Variants in HS6ST1 observed in about 807,000 individuals in gnomAD.
HS6ST1 encodes heparan sulfate 6-O-sulfotransferase 1, also known as heparan-sulfate 6-O-sulfotransferase 1.
In HS6ST1, 3 loss-of-function variants were observed where a neutral mutation model predicts 25.2. The ratio of observed to expected loss-of-function variants is 0.12; its 90% confidence interval spans 0.05 to 0.31. HS6ST1 has a LOEUF of 0.31. HS6ST1 is among the 10% of genes least tolerant of loss of function. The pLI, the probability that HS6ST1 is intolerant of heterozygous loss-of-function variation, is 1.00. For synonymous variants in HS6ST1, 204 were observed against 275.1 expected, an observed-to-expected ratio of 0.74 and a Z score of 2.56; for missense variants, 310 against 609.6, an observed-to-expected ratio of 0.51 and a Z score of 5.18.
chr2:128,314,430 C>G (rs1329560477), intron 1 of HS6ST1, among the ~76,000 whole-genome samples: 2 of 152,166 alleles, frequency 1.3e-5, no homozygotes, highest in Non-Finnish European at 2.9e-5. Context: ...GATGGGACAG[C>G]AGTCGAGGCG....
chr2:128,282,283 G>A (rs1055708974), intron 1 of HS6ST1, among the ~76,000 whole-genome samples: 1 of 152,228 alleles, frequency 6.6e-6, no homozygotes, highest in Non-Finnish European at 1.5e-5. Context: ...GTACTGGGCT[G>A]AACCACTGTA....
intron 1 of HS6ST1, among the ~76,000 whole-genome samples, chr2:128,280,562 G>A (rs926352713): frequency 6.6e-6 from 1 of 152,202 alleles, no homozygotes; most frequent in African/African-American, 2.4e-5. Context: ...CCTCCCCTCT[G>A]CCTGCAGAAA....
chr2:128,318,770 C>G lies in HS6ST1; in HGVS notation c.-207G>C, dbSNP rs1694418393. Among the ~76,000 whole-genome samples, 1 of 147,034 alleles carries G rather than the reference C, an allele frequency of 6.8e-6. No individual in the cohort carries two copies. Among genetic ancestry groups the G allele is most frequent in the Non-Finnish European group, 1.5e-5 (1 of 66,054 alleles). ...GGCTCCCCGGGCCCGACGCCCGACT[C>G]CGCTCCCGCTCGGCCCCGCTCCCGG... On this transcript the variant is annotated 5_prime_UTR_variant, in exon 1 of 2. Coordinates refer to ENST00000259241, the MANE Select transcript of HS6ST1 (RefSeq NM_004807.3). The surrounding 1 kb of genome is among the most constrained non-coding windows in gnomAD (Gnocchi z 5.7).
rs1694419039 is a variant in HS6ST1, at chr2:128,318,796, C to T, written c.-233G>A. ...CGCTCCCGCTCGGCCCCGCTCCCGG[C>T]CCCGGCCAGCACAGCGCTCTCCGCG... is the stretch of plus-strand genomic sequence containing the variant. On this transcript the variant is annotated 5_prime_UTR_variant, in exon 1 of 2. Transcript: ENST00000259241. This position sits in a 1 kb window ranked among gnomAD's most constrained non-coding sequence, Gnocchi z 5.7. Among the ~76,000 whole-genome samples, 1 of 147,246 alleles carries T rather than the reference C, an allele frequency of 6.8e-6. No homozygotes were observed. Among genetic ancestry groups the T allele is most frequent in the African/African-American group, 2.4e-5 (1 of 40,938 alleles).
chr2:128,280,166 G>A (rs943925431), intron 1 of HS6ST1, among the ~76,000 whole-genome samples: 4 of 152,224 alleles, frequency 2.6e-5, no homozygotes, highest in Non-Finnish European at 5.9e-5. Context: ...GCACCAAGCA[G>A]TCCGGCTTCT....
intron 1 of HS6ST1, among the ~76,000 whole-genome samples, chr2:128,279,974 T>C (rs1321464831): frequency 6.6e-6 from 1 of 152,136 alleles, no homozygotes; most frequent in Non-Finnish European, 1.5e-5. Flanking sequence ...GGTACCAGGA[T>C]GGCTCTCTCC....
chr2:128,299,232 C>T lies in HS6ST1; in HGVS notation c.527+18805G>A, dbSNP rs561271224. The stretch of plus-strand genomic sequence containing the variant: ...CTTGCTCTGCACCACAACTCCCCGA[C>T]GCACCCCAACAGCATGGGAGGTGGT... On this transcript the variant is annotated intron_variant, in intron 1 of 1. Transcript: ENST00000259241. Among the ~76,000 whole-genome samples, 77 of 152,366 alleles carry T rather than the reference C, an allele frequency of 5.1e-4. 1 individual carries two copies. Among genetic ancestry groups the T allele is most frequent in the Non-Finnish European group, 8.7e-4 (59 of 68,034 alleles).
At chr2:128,273,986 C>G (rs1273071934) in intron 1 of HS6ST1, among the ~76,000 whole-genome samples, 1 of 152,124 alleles carries the variant, frequency 6.6e-6, no homozygotes, top group Non-Finnish European at 1.5e-5. Context: ...CCCTCAGGAG[C>G]CCAGGCTCAT....
At chr2:128,279,026 C>T (rs1340922362) in intron 1 of HS6ST1, among the ~76,000 whole-genome samples, 1 of 152,150 alleles carries the variant, frequency 6.6e-6, no homozygotes, top group Non-Finnish European at 1.5e-5. Context: ...TAATGAAGAT[C>T]ACAAAAGCCT....
intron 1 of HS6ST1, among the ~76,000 whole-genome samples, chr2:128,313,300 C>A (rs781008479): frequency 1.3e-5 from 2 of 152,180 alleles, no homozygotes; most frequent in African/African-American, 2.4e-5. Flanking sequence ...CTGCAGCAGT[C>A]CCCACAGAGT....
intron 1 of HS6ST1, among the ~76,000 whole-genome samples, chr2:128,310,445 G>A (rs560244529): frequency 2.1e-4 from 32 of 152,356 alleles, no homozygotes; most frequent in African/African-American, 7.5e-4. Flanking sequence ...CACCGCGGCA[G>A]CAGAAGGCCA....
chr2:128,312,192 A>T (rs564044000), intron 1 of HS6ST1, among the ~76,000 whole-genome samples: 2 of 152,350 alleles, frequency 1.3e-5, no homozygotes, highest in South Asian at 4.1e-4. Flanking sequence ...TTCCATGCGC[A>T]TGCAGGGGTT....
chr2:128,315,571 C>T (rs1694349258), intron 1 of HS6ST1, among the ~76,000 whole-genome samples: 1 of 152,206 alleles, frequency 6.6e-6, no homozygotes, highest in East Asian at 1.9e-4. Flanking sequence ...CAGGGTGACA[C>T]CTGAGTCTCC....
At chr2:128,292,273 C>A (rs1235464871) in intron 1 of HS6ST1, among the ~76,000 whole-genome samples, 2 of 152,222 alleles carry the variant, frequency 1.3e-5, no homozygotes, top group Non-Finnish European at 2.9e-5. Context: ...CCATGTGTAT[C>A]CTTCCATAGG....
chr2:128,317,697 C>A (rs1325148102), intron 1 of HS6ST1, among the ~76,000 whole-genome samples: 1 of 152,246 alleles, frequency 6.6e-6, no homozygotes, highest in African/African-American at 2.4e-5. Context: ...CCAAGTCCGG[C>A]GGGCCAGACC....
chr2:128,317,878 TCGGGCGCTC>T (rs1694397969), intron 1 of HS6ST1, among the ~76,000 whole-genome samples, 150 bp downstream of exon 1: 1 of 152,036 alleles, frequency 6.6e-6, no homozygotes. Flanking sequence ...GCTGGGAGCC[TCGGGCGCTC>T]GGCAGGTCGG....
intron 1 of HS6ST1, among the ~76,000 whole-genome samples, chr2:128,283,444 A>T (rs1693814996): frequency 6.6e-6 from 1 of 152,158 alleles, no homozygotes; most frequent in Non-Finnish European, 1.5e-5. Context: ...CAGAGGACAT[A>T]GTGGTTTAGG....
intron 1 of HS6ST1, among the ~76,000 whole-genome samples, chr2:128,276,222 G>C (rs539209723): frequency 6.6e-6 from 1 of 152,198 alleles, no homozygotes; most frequent in Admixed American, 6.5e-5. Flanking sequence ...CCGCCTCCTG[G>C]GTTCAATCAA....
chr2:128,318,150 G>C lies in HS6ST1; in HGVS notation c.414C>G (p.Phe138Leu), dbSNP rs1694401945. The stretch of plus-strand genomic sequence containing the variant: ...AGCTCCAGCCGGTGGAGAAGCGGGA[G>C]AAGAGCCAAGTCTCGCGGCGGTTGG... ...YRPNRRETWL[F>L]SRFSTGWSCG... Residue 138 changes from phenylalanine (F) to leucine (L), a missense_variant, in exon 1 of 2, where the codon TTC becomes TTG. Coordinates refer to ENST00000259241, the MANE Select transcript of HS6ST1 (RefSeq NM_004807.3). The surrounding 1 kb of genome is among the most constrained non-coding windows in gnomAD (Gnocchi z 5.7). 7.8e-6 allele frequency: 12 copies of C among 1,530,906 alleles called. No individual in the cohort carries two copies. Among genetic ancestry groups the C allele is most frequent in the Non-Finnish European group, 9.7e-6 (11 of 1,138,408 alleles). The allele number at this position is 1,530,906 out of a possible 1,614,324, so 94.8% of individuals were successfully genotyped here. A position where few individuals can be genotyped will look rare whatever the true frequency, so the allele number is the denominator to read the frequency against.
Sources: allele counts gnomAD v4.1 joint callset (sites outside exome capture counted in the v4.1 genomes callset), GRCh38; gene constraint gnomAD v4.1.1; non-coding constraint Gnocchi (gnomAD v3.1); transcripts MANE v1.5; gene names NCBI Gene and HGNC (gene_info 2026-07-23, HGNC 2026-07-21).